Variants in SOAT2 observed in about 807,000 individuals in gnomAD.
The protein encoded by SOAT2 is sterol O-acyltransferase 2, also known as ACAT-2.
In SOAT2, 87 loss-of-function variants were observed where a neutral mutation model predicts 76.0. The observed-to-expected ratio is 1.14, with a 90% CI of 0.96 to 1.37. The LOEUF is 1.37. Ranked by LOEUF, SOAT2 falls within the 40% of genes most tolerant of loss-of-function variation. The pLI, the probability that SOAT2 is intolerant of heterozygous loss-of-function variation, is 0.00. For synonymous variants in SOAT2, 285 were observed against 275.4 expected, an observed-to-expected ratio of 1.03 and a Z score of -0.34; for missense variants, 686 against 682.1, an observed-to-expected ratio of 1.01 and a Z score of -0.06.
In SOAT2 at chr12:53,115,437, C is replaced by T; in HGVS notation, c.491C>T (p.Pro164Leu). 6.2e-7 allele frequency: 1 copy of T among 1,612,108 alleles called. No individual in the cohort carries two copies. Among genetic ancestry groups the T allele is most frequent in the South Asian group, 1.1e-5 (1 of 90,970 alleles). ...DLLIFSFGQL[P>L]LALVTWVPMF... Reference sequence around the variant, plus strand: ...CTGATCTTCAGCTTCGGACAGCTGCCATTGGCGCTGGTGACCTGGGTGCCC... The same window carrying T: ...CTGATCTTCAGCTTCGGACAGCTGCTATTGGCGCTGGTGACCTGGGTGCCC... The change falls in exon 6 of 15, where the codon CCA (proline) becomes CTA (leucine). Residue 164 changes from proline (P) to leucine (L), a missense_variant. Transcript: ENST00000301466.
chr12:53,104,142 T>A lies in SOAT2; in HGVS notation c.83-9T>A. ...TCCTGTTGACTGTGCCTTTGATCCC[T>A]CCTCACAGGAAACACTGAGACGCAC... On this transcript the variant is annotated splice_polypyrimidine_tract_variant and intron_variant, in intron 1 of 14. Transcript: ENST00000301466. 1 of 1,612,686 alleles carries A rather than the reference T, an allele frequency of 6.2e-7. No individual in the cohort carries two copies. Among genetic ancestry groups the A allele is most frequent in the Non-Finnish European group, 8.5e-7 (1 of 1,179,042 alleles).
chr12:53,123,019 G>A lies in SOAT2; in HGVS notation c.1237-62G>A, dbSNP rs936566124. ...GCTGGCCGGGCGGGGGGCTGGAGGT[G>A]GGGGCTCTTTGTGGAGGAGCTCAGG... On this transcript the variant is annotated intron_variant, in intron 12 of 14. Coordinates refer to ENST00000301466, the MANE Select transcript of SOAT2 (RefSeq NM_003578.4). 10 of 1,492,060 alleles carry A rather than the reference G, an allele frequency of 6.7e-6. No individual in the cohort carries two copies. In the African/African-American group the frequency reaches 1.3e-4, roughly 19 times the overall value. The allele number at this position is 1,492,060 out of a possible 1,614,324, so 92.4% of individuals were successfully genotyped here. A position where few individuals can be genotyped will look rare whatever the true frequency, so the allele number is the denominator to read the frequency against.
intron 2 of SOAT2, among the ~76,000 whole-genome samples, chr12:53,104,752 C>A (rs1296793086): frequency 6.6e-6 from 1 of 152,134 alleles, no homozygotes; most frequent in Non-Finnish European, 1.5e-5. Context: ...GGAATTCAGA[C>A]CCAGGGAGGG....
chr12:53,112,530 A>C (rs1403800997), intron 5 of SOAT2, among the ~76,000 whole-genome samples: 1 of 146,832 alleles, frequency 6.8e-6, no homozygotes, highest in Non-Finnish European at 1.5e-5. Flanking sequence ...TGGGTGACAG[A>C]GCAAAACTCT....
At chr12:53,105,317 C>T in intron 3 of SOAT2, 74 bp downstream of exon 3, 1 of 1,521,040 alleles carries the variant, frequency 6.6e-7, no homozygotes, top group East Asian at 2.4e-5. Flanking sequence ...GTTATGTGCC[C>T]TTGCCAGCTT....
rs1444407769 is a variant in SOAT2, at chr12:53,123,172, G to C, written c.1328G>C (p.Gly443Ala). 1 of 1,614,100 alleles carries C rather than the reference G, an allele frequency of 6.2e-7. No homozygotes were observed. The highest frequency in any genetic ancestry group is 1.3e-5 in the African/African-American group (1 of 75,018). The part of the protein sequence containing the change: ...AHEYIFCFVL[G>A]FFYPVMLILF... The stretch of plus-strand genomic sequence containing the variant: ...GAGTATATCTTCTGCTTCGTCCTGG[G>C]GTTCTTCTATCCCGTCATGCTGATA... Residue 443 changes from glycine to alanine, a missense_variant, in exon 13 of 15, where the codon GGG becomes GCG. Coordinates refer to ENST00000301466, the MANE Select transcript of SOAT2 (RefSeq NM_003578.4).
chr12:53,104,288 A>AATTTT, intron 2 of SOAT2, 82 bp downstream of exon 2: 1 of 750,408 alleles, frequency 1.3e-6, no homozygotes, highest in South Asian at 1.7e-5. Flanking sequence ...GATAAAGATG[A>AATTTT]CTTTTTTTTT....
At chr12:53,114,541 T>C (rs1224935865) in intron 5 of SOAT2, among the ~76,000 whole-genome samples, 1 of 151,482 alleles carries the variant, frequency 6.6e-6, no homozygotes, top group Non-Finnish European at 1.5e-5. Flanking sequence ...GCCAATATGG[T>C]GAAACCCTGT....
chr12:53,124,153 G>A lies in SOAT2; in HGVS notation c.*30G>A, dbSNP rs1938240275. 1 of 1,613,454 alleles carries A rather than the reference G, an allele frequency of 6.2e-7. No individual in the cohort carries two copies. The highest frequency in any genetic ancestry group is 2.2e-5 in the East Asian group (1 of 44,888). ...CGGGACAGACGACGCTACCTGCCCA[G>A]ACACCACCAAGTTCTCTGCCTGCAA... On this transcript the variant is annotated 3_prime_UTR_variant, in exon 15 of 15. Transcript: ENST00000301466.
At position 53,123,090 on chromosome 12, in the gene SOAT2, G is replaced by C. The variant is rs1252739854; in HGVS notation, c.1246G>C (p.Ala416Pro). 6.2e-7 allele frequency: 1 copy of C among 1,612,500 alleles called. No individual in the cohort carries two copies. The highest frequency in any genetic ancestry group is 1.7e-4 in the Middle Eastern group (1 of 6,004). ...TTCCTCACCCTGCCAGCTCCTTGGT[G>C]CCCGGGCCCGAGGGGTAGCCATGCT... ...VYQDGLRLLG[A>P]RARGVAMLGV... Residue 416 changes from alanine to proline, a missense_variant, in exon 13 of 15, where the codon GCC becomes CCC. Coordinates refer to ENST00000301466, the MANE Select transcript of SOAT2 (RefSeq NM_003578.4).
intron 12 of SOAT2, among the ~76,000 whole-genome samples, chr12:53,122,206 CTTTTTTTTT>C (rs55672871): frequency 9.0e-6 from 1 of 111,132 alleles, no homozygotes. Flanking sequence ...GGTGGGGGCT[CTTTTTTTTT>C]TTTTTTTTTT....
At chr12:53,123,923 A>T (rs772787728) in intron 14 of SOAT2, 50 bp downstream of exon 14, 36 of 1,611,106 alleles carry the variant, frequency 2.2e-5, no homozygotes, top group Middle Eastern at 3.3e-4. Context: ...GGACACACAG[A>T]CCAACAGCCA....
chr12:53,123,663 G>T, intron 13 of SOAT2, 65 bp from the exon 14 acceptor site: 1 of 1,584,784 alleles, frequency 6.3e-7, no homozygotes, highest in Non-Finnish European at 8.6e-7. Flanking sequence ...ACCCTGGAAT[G>T]GGAGGGAAGC....
Position 53,118,423 on chromosome 12 carries a change from G to C in SOAT2, c.852G>C (p.Glu284Asp), listed in dbSNP as rs1008214312. ...FLFCPTLIYR[E>D]TYPRTPYVRW... ...TCTGCCCAACACTCATCTACAGGGA[G>C]ACTTACCCTAGGTAAGACCCTGCAC... The change falls in exon 8 of 15, where the codon GAG (glutamate) becomes GAC (aspartate). Residue 284 changes from glutamate (E) to aspartate (D), a missense_variant. By Grantham distance (45) the Glu-to-Asp change is conservative. Transcript: ENST00000301466. The C allele has an allele frequency of 6.2e-6, 10 of 1,612,790 alleles. No homozygotes were observed. The highest frequency in any genetic ancestry group is 8.5e-6 in the Non-Finnish European group (10 of 1,179,042).
chr12:53,124,007 G>A (rs1347593973), intron 14 of SOAT2, 66 bp from the exon 15 acceptor site: 41 of 1,607,054 alleles, frequency 2.6e-5, no homozygotes, highest in East Asian at 6.7e-5. Flanking sequence ...GGACTCTCAC[G>A]TCTTGGATGC....
At chr12:53,117,249 C>A (rs2121293306) in intron 7 of SOAT2, among the ~76,000 whole-genome samples, 1 of 150,732 alleles carries the variant, frequency 6.6e-6, no homozygotes. Context: ...GCATGAGCCA[C>A]CGCGCCCGGC....
At chr12:53,117,544 T>C (rs1193768021) in intron 7 of SOAT2, among the ~76,000 whole-genome samples, 1 of 152,082 alleles carries the variant, frequency 6.6e-6, no homozygotes, top group Non-Finnish European at 1.5e-5. Context: ...TTGGGTGTAT[T>C]TCATGATGCC....
intron 2 of SOAT2, 73 bp from the exon 3 acceptor site, chr12:53,105,034 C>A: frequency 7.2e-7 from 1 of 1,385,304 alleles, no homozygotes; most frequent in Non-Finnish European, 9.6e-7. Flanking sequence ...GACAGAAATT[C>A]AGTGAATGTC....
chr12:53,105,413 G>A lies in SOAT2; in HGVS notation c.276-148G>A. 6 of 1,179,176 alleles carry A rather than the reference G, an allele frequency of 5.1e-6. No homozygotes were observed. In the East Asian group the frequency reaches 7.7e-5, roughly 15 times the overall value. The allele number at this position is 1,179,176 out of a possible 1,614,324, so 73.0% of individuals were successfully genotyped here. On this transcript the variant is annotated intron_variant, in intron 3 of 14. Transcript: ENST00000301466. Reference sequence around the variant, plus strand: ...ATCTACTGGGCCTCGCTCTGCCCTGGCCCTGACCTTCTACCCGGTCCTGCC... The same window carrying A: ...ATCTACTGGGCCTCGCTCTGCCCTGACCCTGACCTTCTACCCGGTCCTGCC...
Sources: gnomAD v4.1 joint callset for allele counts (sites outside exome capture counted in the v4.1 genomes callset) on GRCh38, gnomAD v4.1.1 for gene constraint, MANE v1.5 for transcripts, NCBI Gene and HGNC (gene_info 2026-07-23, HGNC 2026-07-21) for gene names.